SNTB1: variants seen among roughly 807,000 people sequenced by gnomAD.
SNTB1 encodes the protein syntrophin beta 1, also known as beta-1-syntrophin.
SNTB1 carries 36 observed loss-of-function variants against 48.9 expected under a neutral mutation model. That is an observed-to-expected ratio of 0.74 (90% CI 0.56 to 0.97). The LOEUF is 0.97. Among genes scored for constraint, SNTB1 ranks in the 50% least tolerant of loss-of-function variants. SNTB1 has a pLI of 0.00. For synonymous variants in SNTB1, 299 were observed against 294.6 expected (o/e 1.01, Z -0.15); for missense variants, 786 against 703.4 (o/e 1.12, Z -1.33).
Position 120,632,608 on chromosome 8 carries a change from G to A in SNTB1, c.832C>T (p.Leu278=), listed in dbSNP as rs1052296693. ...GCCGTGGCTGAGTCCTTGCTCCTTA[G>A]GATCACCGTGTGCTTAGCATCTGGA... ...HSPDAKHTVI[L]RSKDSATAQA... is the part of the protein sequence containing the mutation. The change falls in exon 3 of 7, where the codon CTA becomes TTA. Residue 278 remains leucine, a synonymous_variant. Coordinates refer to ENST00000517992, the MANE Select transcript of SNTB1 (RefSeq NM_021021.4). The A allele has an allele frequency of 3.1e-6, 5 of 1,613,954 alleles. No homozygotes were observed. The African/African-American group carries it at 5.3e-5, about 17-fold the overall frequency.
At chr8:120,687,078 T>C (rs748008694) in intron 2 of SNTB1, among the ~76,000 whole-genome samples, 2 of 152,196 alleles carry the variant, frequency 1.3e-5, no homozygotes, top group African/African-American at 2.4e-5. Flanking sequence ...AATGTTTCAA[T>C]AGTATTCAAA....
intron 1 of SNTB1, among the ~76,000 whole-genome samples, chr8:120,773,294 A>G (rs1819672787): frequency 6.6e-6 from 1 of 152,172 alleles, no homozygotes; most frequent in African/African-American, 2.4e-5. Flanking sequence ...GAGGTAGGAA[A>G]AATTGTTTAA....
intron 4 of SNTB1, among the ~76,000 whole-genome samples, chr8:120,556,463 G>C (rs1040474434): frequency 6.6e-6 from 1 of 152,140 alleles, no homozygotes; most frequent in Admixed American, 6.5e-5. Context: ...TTCCTATTAA[G>C]GTGTTGGAAA....
chr8:120,552,760 A>G (rs1264804517), intron 4 of SNTB1, among the ~76,000 whole-genome samples: 2 of 152,146 alleles, frequency 1.3e-5, no homozygotes, highest in Non-Finnish European at 2.9e-5. Context: ...GGATGATTCA[A>G]GCGCATTACA....
chr8:120,550,552 A>AG (rs1815464180), intron 4 of SNTB1, among the ~76,000 whole-genome samples: 1 of 151,260 alleles, frequency 6.6e-6, no homozygotes, highest in Non-Finnish European at 1.5e-5. Context: ...TAAAAAAAAA[A>AG]AAAAAAAAAA....
chr8:120,739,194 C>T (rs931529434), intron 1 of SNTB1, among the ~76,000 whole-genome samples: 1 of 152,172 alleles, frequency 6.6e-6, no homozygotes, highest in African/African-American at 2.4e-5. Context: ...AAAGCCTTCT[C>T]TTTTTTACCT....
chr8:120,642,244 A>G (rs1653788183), intron 2 of SNTB1, among the ~76,000 whole-genome samples: 1 of 152,226 alleles, frequency 6.6e-6, no homozygotes, highest in African/African-American at 2.4e-5. Context: ...AAAGAATACA[A>G]AAGACATAGA....
At chr8:120,717,131 G>A (rs547715479) in intron 1 of SNTB1, among the ~76,000 whole-genome samples, 98 of 152,270 alleles carry the variant, frequency 6.4e-4, no homozygotes, top group Middle Eastern at 3.4e-3. Flanking sequence ...ACTAATCATA[G>A]GCTTGTAGGA....
chr8:120,550,554 A>AAG (rs1177110024), intron 4 of SNTB1, among the ~76,000 whole-genome samples: 4 of 151,254 alleles, frequency 2.6e-5, no homozygotes, highest in Non-Finnish European at 5.9e-5. Context: ...AAAAAAAAAA[A>AAG]AAAAAAAAGA....
rs1816763300 is a variant in SNTB1 at position 120,619,611 on chromosome 8, T to C, written c.996+12833A>G. 2.0e-5 allele frequency among the ~76,000 whole-genome samples: 3 copies of C among 152,222 alleles called. No homozygotes were observed. In the South Asian group the frequency reaches 6.2e-4, roughly 31 times the overall value. On this transcript the variant is annotated intron_variant, in intron 3 of 6. Transcript: ENST00000517992. ...CTCCCTAATTTTGTCAGCACTATTG[T>C]TAAGTATTGATTTTGATTCTTTATT...
intron 1 of SNTB1, among the ~76,000 whole-genome samples, chr8:120,760,457 C>G (rs1231265819): frequency 6.6e-6 from 1 of 152,108 alleles, no homozygotes; most frequent in East Asian, 1.9e-4. Flanking sequence ...ATTGGGTAGA[C>G]ATATTTAAAG....
chr8:120,588,374 C>T (rs1816182837), intron 3 of SNTB1, among the ~76,000 whole-genome samples: 1 of 150,506 alleles, frequency 6.6e-6, no homozygotes, highest in Admixed American at 6.7e-5. Context: ...TCTACCAAAG[C>T]TTTATGACTA....
intron 1 of SNTB1, among the ~76,000 whole-genome samples, chr8:120,802,091 C>A (rs912961379): frequency 6.6e-6 from 1 of 152,002 alleles, no homozygotes; most frequent in African/African-American, 2.4e-5. Context: ...ATATCTTCCA[C>A]GGGATGGCCT....
In SNTB1 at chr8:120,600,779, T is replaced by C. The variant is rs562329932; in HGVS notation, c.997-25554A>G. Among the ~76,000 whole-genome samples, 13 of 151,766 alleles carry C rather than the reference T, an allele frequency of 8.6e-5. No individual in the cohort carries two copies. In the East Asian group the frequency reaches 2.5e-3, roughly 30 times the overall value. Reference sequence around the variant, plus strand: ...GAGAAAGAGGGGAAACTGGGCTTAGTCCCAAGGGAATGGGATGAGGCACAG... The same window carrying C: ...GAGAAAGAGGGGAAACTGGGCTTAGCCCCAAGGGAATGGGATGAGGCACAG... On this transcript the variant is annotated intron_variant, in intron 3 of 6. Coordinates refer to ENST00000517992, the MANE Select transcript of SNTB1 (RefSeq NM_021021.4).
At chr8:120,626,389 CTT>C (rs1348805770) in intron 3 of SNTB1, among the ~76,000 whole-genome samples, 6 of 152,224 alleles carry the variant, frequency 3.9e-5, no homozygotes, top group Admixed American at 1.3e-4. Flanking sequence ...ACTAAGCAAT[CTT>C]AATCAGTTGG....
At chr8:120,774,415 C>A (rs759794449) in intron 1 of SNTB1, among the ~76,000 whole-genome samples, 1 of 152,094 alleles carries the variant, frequency 6.6e-6, no homozygotes, top group African/African-American at 2.4e-5. Context: ...ATGCACAGAG[C>A]TTTTTAAGGA....
intron 3 of SNTB1, among the ~76,000 whole-genome samples, chr8:120,580,220 C>G (rs1816022884): frequency 6.6e-6 from 1 of 152,198 alleles, no homozygotes; most frequent in African/African-American, 2.4e-5. Context: ...CCAACTCACT[C>G]TTCCTAACAT....
At chr8:120,610,855 G>A (rs1587029538) in intron 3 of SNTB1, among the ~76,000 whole-genome samples, 1 of 152,088 alleles carries the variant, frequency 6.6e-6, no homozygotes, top group Non-Finnish European at 1.5e-5. Flanking sequence ...AATTAACAAC[G>A]GCCTAACCAT....
intron 2 of SNTB1, among the ~76,000 whole-genome samples, chr8:120,691,191 A>G (rs944482230): frequency 7.2e-5 from 11 of 152,222 alleles, no homozygotes; most frequent in African/African-American, 2.7e-4. Flanking sequence ...TGTAGCATAT[A>G]AGTCTACTTC....
Sources: gnomAD v4.1 joint callset for allele counts (sites outside exome capture counted in the v4.1 genomes callset) on GRCh38, gnomAD v4.1.1 for gene constraint, MANE v1.5 for transcripts, NCBI Gene and HGNC (gene_info 2026-07-23, HGNC 2026-07-21) for gene names.